Variants in ATF6 observed in about 807,000 individuals in gnomAD.
ATF6 encodes the protein cyclic AMP-dependent transcription factor ATF-6 alpha.
A neutral mutation model predicts 83.6 loss-of-function variants in ATF6; 53 were observed. The observed-to-expected ratio is 0.63, with a 90% CI of 0.51 to 0.80. The LOEUF is 0.80. Among genes scored for constraint, ATF6 ranks in the 30% least tolerant of loss-of-function variants. The probability of loss-of-function intolerance (pLI) is 0.00; values close to 1 mark genes in which losing one functional copy is unlikely to be tolerated. For synonymous variants in ATF6, 288 were observed against 285.8 expected, an observed-to-expected ratio of 1.01 and a Z score of -0.08; for missense variants, 744 against 797.9, an observed-to-expected ratio of 0.93 and a Z score of 0.81.
intron 15 of ATF6, among the ~76,000 whole-genome samples, chr1:161,935,587 T>C (rs953993098): frequency 6.6e-6 from 1 of 152,206 alleles, no homozygotes; most frequent in Non-Finnish European, 1.5e-5. Flanking sequence ...CAGAGACAAG[T>C]GTAATCCCAT....
chr1:161,937,794 A>T (rs1026234373), intron 15 of ATF6, among the ~76,000 whole-genome samples: 3 of 152,068 alleles, frequency 2.0e-5, no homozygotes, highest in Non-Finnish European at 4.4e-5. Flanking sequence ...AATGTAGATG[A>T]CAGGTTGATG....
At chr1:161,801,327 C>T (rs1685138770) in intron 6 of ATF6, among the ~76,000 whole-genome samples, 1 of 144,212 alleles carries the variant, frequency 6.9e-6, no homozygotes, top group Admixed American at 6.9e-5. Context: ...GATTTAATCT[C>T]AAATGGTTTT....
At chr1:161,800,185 C>A (rs1685110211) in intron 6 of ATF6, among the ~76,000 whole-genome samples, 1 of 152,088 alleles carries the variant, frequency 6.6e-6, no homozygotes, top group African/African-American at 2.4e-5. Context: ...AAATGAAATG[C>A]TTGGAACCAG....
chr1:161,887,159 C>T (rs1687440591), intron 14 of ATF6, among the ~76,000 whole-genome samples: 1 of 151,978 alleles, frequency 6.6e-6, no homozygotes, highest in Admixed American at 6.6e-5. Flanking sequence ...GCAACCTCCA[C>T]CTCCCGGGTT....
At chr1:161,900,354 T>C (rs892024331) in intron 14 of ATF6, among the ~76,000 whole-genome samples, 3 of 152,160 alleles carry the variant, frequency 2.0e-5, no homozygotes, top group Non-Finnish European at 4.4e-5. Context: ...AGTACTCAAC[T>C]TTTGCTTATA....
At chr1:161,828,001 C>A (rs990264783) in intron 9 of ATF6, among the ~76,000 whole-genome samples, 7 of 152,068 alleles carry the variant, frequency 4.6e-5, no homozygotes, top group African/African-American at 1.7e-4. Context: ...ACTGGCTAAA[C>A]AGGACAAATG....
At chr1:161,866,555 G>C (rs183085706) in intron 14 of ATF6, among the ~76,000 whole-genome samples, 1 of 152,252 alleles carries the variant, frequency 6.6e-6, no homozygotes, top group East Asian at 1.9e-4. Context: ...TCTTTGCTTA[G>C]TTCCAGTTAT....
At chr1:161,790,346 C>T (rs569108976) in intron 4 of ATF6, among the ~76,000 whole-genome samples, 4 of 152,170 alleles carry the variant, frequency 2.6e-5, no homozygotes, top group Non-Finnish European at 2.9e-5. Context: ...ATGTCTATTG[C>T]GTGATCATGC....
chr1:161,885,376 T>G (rs893725305), intron 14 of ATF6, among the ~76,000 whole-genome samples: 32 of 152,306 alleles, frequency 2.1e-4, no homozygotes, highest in African/African-American at 7.2e-4. Context: ...ACTACTGTTC[T>G]ACAGATGAAC....
intron 15 of ATF6, among the ~76,000 whole-genome samples, chr1:161,914,986 T>C (rs896354265): frequency 2.0e-5 from 3 of 152,202 alleles, no homozygotes; most frequent in African/African-American, 7.2e-5. Context: ...CAAAGGGATA[T>C]TTAATATGCC....
At chr1:161,886,195 T>G (rs947338565) in intron 14 of ATF6, among the ~76,000 whole-genome samples, 2 of 152,110 alleles carry the variant, frequency 1.3e-5, no homozygotes, top group African/African-American at 4.8e-5. Context: ...ATTGTTGGAA[T>G]GTAGTCAGTT....
intron 3 of ATF6, among the ~76,000 whole-genome samples, chr1:161,782,351 G>A (rs759737311): frequency 1.4e-4 from 22 of 152,310 alleles, no homozygotes; most frequent in Non-Finnish European, 2.8e-4. Flanking sequence ...CTAGGAACTT[G>A]GTGGAGGAGT....
intron 14 of ATF6, among the ~76,000 whole-genome samples, chr1:161,866,240 T>G (rs542309449): frequency 2.2e-4 from 34 of 152,346 alleles, no homozygotes; most frequent in African/African-American, 6.7e-4. Flanking sequence ...TAACAAAATA[T>G]TTTAATATCT....
At chr1:161,872,467 A>G (rs1448200782) in intron 14 of ATF6, among the ~76,000 whole-genome samples, 1 of 151,648 alleles carries the variant, frequency 6.6e-6, no homozygotes, top group Non-Finnish European at 1.5e-5. Context: ...ACCAAGCCAC[A>G]TGTTACTCAA....
At chr1:161,828,507 C>T (rs1308132072) in intron 9 of ATF6, among the ~76,000 whole-genome samples, 1 of 152,126 alleles carries the variant, frequency 6.6e-6, no homozygotes, top group Non-Finnish European at 1.5e-5. Context: ...TGGGAAGTCA[C>T]AACTGAGGCC....
chr1:161,843,062 G>T (rs549677237), intron 9 of ATF6, among the ~76,000 whole-genome samples: 1 of 152,180 alleles, frequency 6.6e-6, no homozygotes. Context: ...CTGGTAGCTC[G>T]GCGCACAAGT....
intron 14 of ATF6, among the ~76,000 whole-genome samples, chr1:161,897,054 TTG>T (rs550017789): frequency 1.3e-5 from 2 of 152,282 alleles, no homozygotes; most frequent in East Asian, 1.9e-4. Flanking sequence ...CCCTTTCAAG[TTG>T]TGTGTTATTT....
At chr1:161,946,998 A>G (rs1025203939) in intron 15 of ATF6, among the ~76,000 whole-genome samples, 3 of 152,202 alleles carry the variant, frequency 2.0e-5, no homozygotes, top group African/African-American at 7.2e-5. Flanking sequence ...ACCAGAATTC[A>G]CTCGGTATAT....
intron 15 of ATF6, among the ~76,000 whole-genome samples, chr1:161,937,700 C>T (rs139615917): frequency 1.2e-4 from 18 of 144,740 alleles, no homozygotes; most frequent in Admixed American, 2.9e-4. Flanking sequence ...TGAGAACACA[C>T]GGACACAGGG....
Sources: allele counts gnomAD v4.1 joint callset (sites outside exome capture counted in the v4.1 genomes callset), GRCh38; gene constraint gnomAD v4.1.1; transcripts MANE v1.5; gene names NCBI Gene and HGNC (gene_info 2026-07-23, HGNC 2026-07-21).